The following TKTL1 variants were observed in gnomAD, a reference collection of about 807,000 sequenced individuals.
TKTL1 encodes transketolase like 1.
In TKTL1, 1 loss-of-function variant was observed where a neutral mutation model predicts 39.3. That is an observed-to-expected ratio of 0.03 (90% confidence interval 0.01 to 0.12). The LOEUF is 0.12. Ranked by LOEUF, TKTL1 falls within the 10% of genes least tolerant of loss-of-function variation. The pLI is 1.00. For synonymous variants in TKTL1, 262 were observed against 193.8 expected, an observed-to-expected ratio of 1.35 and a Z score of -2.92; for missense variants, 575 against 509.6, an observed-to-expected ratio of 1.13 and a Z score of -1.24.
At chrX:154,322,455 C>T (rs1411536232) in intron 8 of TKTL1, among the ~76,000 whole-genome samples, 6 of 110,945 alleles carry the variant, frequency 5.4e-5, no homozygotes, top group Admixed American at 4.8e-4. Flanking sequence ...TTGCTTGAAC[C>T]TGGGAGGTAG....
chrX:154,328,018 C>T, intron 12 of TKTL1, 60 bp downstream of exon 12: 4 of 1,178,728 alleles, frequency 3.4e-6, no homozygotes, highest in Non-Finnish European at 4.6e-6. Flanking sequence ...CCTTGATTGG[C>T]CACATGGCAT....
intron 7 of TKTL1, among the ~76,000 whole-genome samples, chrX:154,315,548 G>A (rs112850322): frequency 0.018 from 1,981 of 111,622 alleles, 27 homozygotes; most frequent in African/African-American, 0.05. Flanking sequence ...GGCACTTGGA[G>A]TCTCCAAGTT....
chrX:154,325,038 A>C (rs1408731486), intron 9 of TKTL1, among the ~76,000 whole-genome samples: 4 of 112,085 alleles, frequency 3.6e-5, no homozygotes, highest in African/African-American at 1.3e-4. Flanking sequence ...TTTCTAGTCA[A>C]TGTGAGTCAG....
chrX:154,310,866 C>T lies in TKTL1; in HGVS notation c.381C>T (p.Gly127=). The change falls in exon 4 of 13, where the codon GGC becomes GGT. Residue 127 remains glycine, a synonymous_variant. Transcript: ENST00000369915. ...GGGTGTTCTGCCTCATGAGTGATGGCGAGTCCTCAGAAGGCTCTGTCTGGG... is the reference window on the plus strand; with the variant it reads ...GGGTGTTCTGCCTCATGAGTGATGGTGAGTCCTCAGAAGGCTCTGTCTGGG... ...SYRVFCLMSD[G]ESSEGSVWEA... 3 of 1,211,037 alleles carry T rather than the reference C, an allele frequency of 2.5e-6. No individual in the cohort carries two copies. The highest frequency in any genetic ancestry group is 3.0e-5 in the East Asian group (1 of 33,869).
chrX:154,297,628 A>G (rs1557164945), intron 1 of TKTL1, among the ~76,000 whole-genome samples: 1 of 111,553 alleles, frequency 9.0e-6, no homozygotes, highest in East Asian at 2.8e-4. Flanking sequence ...GATGAGTTTC[A>G]AAGTGTTCCA....
chrX:154,323,477 AAAAC>A (rs2148081975), intron 9 of TKTL1, 140 bp downstream of exon 9: 1 of 731,258 alleles, frequency 1.4e-6, no homozygotes, highest in East Asian at 3.4e-5. Flanking sequence ...CTTTACAAAA[AAAAC>A]AGGAGATTAT....
At chrX:154,307,661 G>C (rs782071459) in intron 2 of TKTL1, among the ~76,000 whole-genome samples, 1 of 112,728 alleles carries the variant, frequency 8.9e-6, no homozygotes, top group Admixed American at 9.3e-5. Context: ...TAAAGTCTTT[G>C]AGATGGGCCC....
At chrX:154,312,011 C>G (rs1257665890) in intron 5 of TKTL1, among the ~76,000 whole-genome samples, 2 of 111,243 alleles carry the variant, frequency 1.8e-5, no homozygotes, top group Non-Finnish European at 3.8e-5. Flanking sequence ...CAGCTGGCCT[C>G]CCTCCACACC....
At chrX:154,319,984 C>T (rs782691622) in intron 7 of TKTL1, among the ~76,000 whole-genome samples, 1 of 112,340 alleles carries the variant, frequency 8.9e-6, no homozygotes, top group South Asian at 3.7e-4. Flanking sequence ...TACCAGAATG[C>T]ACATCAGGGG....
At position 154,321,147 on chromosome X, in the gene TKTL1, C is replaced by T. The variant is rs144344927; in HGVS notation, c.1186+234C>T. Among the ~76,000 whole-genome samples the T allele has an allele frequency of 6.3e-3, 688 of 109,925 alleles. 11 individuals are homozygous for T. The highest frequency in any genetic ancestry group is 0.022 in the African/African-American group (658 of 30,111). ...GACAGTGAGAAACAGTTGCTTATCC[C>T]GAGTGCCCCTTGTGTGTTGAGCTGC... On this transcript the variant is annotated intron_variant, in intron 8 of 12. Transcript: ENST00000369915.
rs200244366 is a variant in TKTL1, at chrX:154,329,485, A to C, written c.1619-31A>C. ...GCTTTAAGGCTGACGAGCTGCTTTC[A>C]CAAAAGGGCCTAACATCCTTGTTTC... On this transcript the variant is annotated intron_variant, in intron 12 of 12. Transcript: ENST00000369915. 48 of 1,200,679 alleles carry C rather than the reference A, an allele frequency of 4.0e-5. 1 individual carries two copies. The East Asian group carries it at 1.3e-3, about 32-fold the overall frequency.
chrX:154,305,313 A>G lies in TKTL1; in HGVS notation c.144A>G (p.Thr48=), dbSNP rs782021348. 1 of 1,206,205 alleles carries G rather than the reference A, an allele frequency of 8.3e-7. No homozygotes were observed. Among genetic ancestry groups the G allele is most frequent in the Admixed American group, 2.2e-5 (1 of 45,922 alleles). ...CATGTCTGTCTTTCAGCCACCCTAC[A>G]TCATGTAGCAGTTCTTCTGAGATCA... ...ATCSTSSGHP[T]SCSSSSEIMS... The change falls in exon 2 of 13, where the codon ACA becomes ACG. Residue 48 remains threonine, a synonymous_variant. Coordinates refer to ENST00000369915, the MANE Select transcript of TKTL1 (RefSeq NM_012253.4).
At chrX:154,296,844 C>G (rs2067233287) in intron 1 of TKTL1, among the ~76,000 whole-genome samples, 1 of 111,692 alleles carries the variant, frequency 9.0e-6, no homozygotes, top group South Asian at 3.7e-4. Context: ...GATGGCGAAC[C>G]TCTGTACAAA....
intron 5 of TKTL1, among the ~76,000 whole-genome samples, chrX:154,311,772 C>T (rs2067359669): frequency 9.0e-6 from 1 of 111,399 alleles, no homozygotes; most frequent in Non-Finnish European, 1.9e-5. Flanking sequence ...TAGAATAAAA[C>T]TGTTCTGTGA....
intron 1 of TKTL1, among the ~76,000 whole-genome samples, chrX:154,301,797 T>C (rs1322874308): frequency 2.8e-5 from 3 of 107,242 alleles, no homozygotes; most frequent in Non-Finnish European, 5.8e-5. Flanking sequence ...TTCTCCATGT[T>C]GGTCAGGCTG....
At chrX:154,320,590 C>G in intron 7 of TKTL1, 167 bp from the exon 8 acceptor site, 4 of 519,591 alleles carry the variant, frequency 7.7e-6, no homozygotes, top group Non-Finnish European at 1.3e-5. Context: ...GCAGGAGGGA[C>G]GGACGGGTGC....
chrX:154,308,657 CTCCAG>C (rs1416371526), intron 2 of TKTL1, among the ~76,000 whole-genome samples: 6 of 110,783 alleles, frequency 5.4e-5, no homozygotes, highest in African/African-American at 2.0e-4. Flanking sequence ...AGTTGGGCCT[CTCCAG>C]TCAGTGCAGC....
intron 3 of TKTL1, among the ~76,000 whole-genome samples, chrX:154,310,415 A>G (rs2067347473): frequency 8.9e-6 from 1 of 112,390 alleles, no homozygotes. Context: ...AGCCTGGGTG[A>G]TGGAAACTCT....
At chrX:154,321,429 G>A (rs2067449527) in intron 8 of TKTL1, among the ~76,000 whole-genome samples, 1 of 101,674 alleles carries the variant, frequency 9.8e-6, no homozygotes, top group African/African-American at 3.7e-5. Context: ...CTGGCAGGTG[G>A]GCTAGAAGGA....
Sources: allele counts gnomAD v4.1 joint callset (sites outside exome capture counted in the v4.1 genomes callset), GRCh38; gene constraint gnomAD v4.1.1; transcripts MANE v1.5; gene names NCBI Gene and HGNC (gene_info 2026-07-23, HGNC 2026-07-21).